Variants in MYO3A observed in about 807,000 individuals in gnomAD.
MYO3A encodes myosin IIIA, also known as myosin-IIIa.
A neutral mutation model predicts 192.7 loss-of-function variants in MYO3A; 180 were observed. The ratio of observed to expected loss-of-function variants is 0.93; its 90% confidence interval spans 0.83 to 1.06. The LOEUF (loss-of-function observed/expected upper bound fraction) is 1.06. MYO3A is among the 50% of genes least tolerant of loss of function. MYO3A has a pLI of 0.00. For synonymous variants in MYO3A, 628 were observed against 645.3 expected, an observed-to-expected ratio of 0.97 and a Z score of 0.41; for missense variants, 1,896 against 1,905.0, an observed-to-expected ratio of 1.00 and a Z score of 0.09.
intron 12 of MYO3A, 136 bp downstream of exon 12, chr10:26,069,020 A>C (rs374291262): frequency 5.7e-5 from 36 of 628,712 alleles, no homozygotes; most frequent in East Asian, 3.5e-4. Context: ...GTTAAAACAT[A>C]GAACTAGGAA....
intron 9 of MYO3A, among the ~76,000 whole-genome samples, chr10:26,024,364 GTCATT>G (rs1389231934): frequency 6.6e-6 from 1 of 152,068 alleles, no homozygotes; most frequent in Non-Finnish European, 1.5e-5. Flanking sequence ...GCCTATGGGT[GTCATT>G]TCATATGAGA....
At chr10:26,205,012 A>G (rs1027592997) in intron 34 of MYO3A, among the ~76,000 whole-genome samples, 2 of 152,236 alleles carry the variant, frequency 1.3e-5, no homozygotes, top group Non-Finnish European at 2.9e-5. Context: ...AGAAGATGTT[A>G]GTGCACAAAG....
At chr10:26,072,923 T>C (rs1242236372) in intron 14 of MYO3A, among the ~76,000 whole-genome samples, 3 of 152,190 alleles carry the variant, frequency 2.0e-5, no homozygotes, top group Admixed American at 6.5e-5. Context: ...TATAGAGACT[T>C]TATTTACAAA....
intron 1 of MYO3A, among the ~76,000 whole-genome samples, chr10:25,934,726 C>G (rs1264749290): frequency 7.0e-6 from 1 of 143,032 alleles, no homozygotes; most frequent in Non-Finnish European, 1.5e-5. Context: ...GAGGGAAGAT[C>G]TTGTGGGTGA....
chr10:26,123,193 A>G (rs1838980610), intron 18 of MYO3A, among the ~76,000 whole-genome samples: 1 of 152,238 alleles, frequency 6.6e-6, no homozygotes, highest in African/African-American at 2.4e-5. Flanking sequence ...CAAAAGCACA[A>G]ATTATTTTCT....
At chr10:26,100,386 T>G (rs899973588) in intron 17 of MYO3A, among the ~76,000 whole-genome samples, 2 of 152,328 alleles carry the variant, frequency 1.3e-5, no homozygotes, top group Non-Finnish European at 2.9e-5. Flanking sequence ...TTGAAGAGCT[T>G]TTTGTGTCTC....
At chr10:26,131,862 C>T (rs530745492) in intron 20 of MYO3A, among the ~76,000 whole-genome samples, 1 of 152,262 alleles carries the variant, frequency 6.6e-6, no homozygotes, top group South Asian at 2.1e-4. Flanking sequence ...AGAAGATGAT[C>T]AGCCAAGAAG....
chr10:26,053,608 G>A (rs898761589), intron 10 of MYO3A, among the ~76,000 whole-genome samples: 7 of 152,250 alleles, frequency 4.6e-5, no homozygotes, highest in African/African-American at 9.6e-5. Context: ...GGCGGATCGC[G>A]AGGTCAGGAG....
chr10:26,174,199 A>G lies in MYO3A; in HGVS notation c.3935A>G (p.Gln1312Arg), dbSNP rs1286879791. The stretch of plus-strand genomic sequence containing the variant: ...GAAAAGAAGACATCTGTAGTTACCC[A>G]GCGTGCACCGATATGCAGCCAGGAG... ...EKEKKTSVVT[Q>R]RAPICSQEEG... Residue 1312 changes from glutamine (Q) to arginine (R), a missense_variant, in exon 30 of 35, where the codon CAG (glutamine) becomes CGG (arginine). Gln to Arg is a conservative substitution (Grantham distance 43, BLOSUM62 1). Coordinates refer to ENST00000642920, the MANE Select transcript of MYO3A (RefSeq NM_017433.5). The G allele has an allele frequency of 1.9e-6, 3 of 1,614,236 alleles. No homozygotes were observed. Among genetic ancestry groups the G allele is most frequent in the East Asian group, 2.2e-5 (1 of 44,882 alleles).
rs1564442289 is a variant in MYO3A, at chr10:25,996,538, A to G, written c.352A>G (p.Arg118Gly). 1.9e-6 allele frequency: 3 copies of G among 1,613,796 alleles called. No homozygotes were observed. In the African/African-American group the frequency reaches 4.0e-5, roughly 22 times the overall value. Residue 118 changes from arginine to glycine, a missense_variant, in exon 5 of 35, where the codon AGG becomes GGG. Arg to Gly is a moderately radical substitution (Grantham distance 125). Coordinates refer to ENST00000642920, the MANE Select transcript of MYO3A (RefSeq NM_017433.5). ...VTDLVKGFLK[R>G]GERMSEPLIA... is the part of the protein sequence containing the mutation. ...TGACCTTGTGAAAGGATTTCTGAAG[A>G]GGGGTGAAAGAATGAGTGAGCCTCT...
At chr10:26,068,739 GA>G (rs1480898393) in intron 11 of MYO3A, 28 bp from the exon 12 acceptor site, 2 of 1,392,190 alleles carry the variant, frequency 1.4e-6, no homozygotes, top group Non-Finnish European at 2.0e-6. Flanking sequence ...TAATTTTTAA[GA>G]AGGAGAAATT....
intron 4 of MYO3A, among the ~76,000 whole-genome samples, chr10:25,967,122 A>G (rs1007306287): frequency 2.0e-5 from 3 of 152,174 alleles, no homozygotes; most frequent in African/African-American, 7.2e-5. Context: ...TATGCAGAAA[A>G]AAGCTCTGAA....
chr10:26,027,162 T>C lies in MYO3A; in HGVS notation c.953+630T>C, dbSNP rs139765401. On this transcript the variant is annotated intron_variant, in intron 10 of 34. Coordinates refer to ENST00000642920, the MANE Select transcript of MYO3A (RefSeq NM_017433.5). ...ACCTTTTGACACTATTATTTGTTCA[T>C]TTTCCCTGGTTAAATTATATTTAAA... Among the ~76,000 whole-genome samples, 162 of 152,308 alleles carry C rather than the reference T, an allele frequency of 1.1e-3. No homozygotes were observed. The Middle Eastern group carries it at 0.027, about 26-fold the overall frequency.
chr10:26,197,906 T>A (rs1452962642), intron 32 of MYO3A, among the ~76,000 whole-genome samples: 1 of 152,198 alleles, frequency 6.6e-6, no homozygotes, highest in Non-Finnish European at 1.5e-5. Context: ...TCTACTTGTC[T>A]CCTGTGTGAC....
At chr10:26,207,764 C>T (rs1372072383) in intron 34 of MYO3A, among the ~76,000 whole-genome samples, 1 of 76,400 alleles carries the variant, frequency 1.3e-5, no homozygotes, top group Non-Finnish European at 2.8e-5. Context: ...AAAGGGTCTT[C>T]TGTGGTTCTA....
chr10:26,201,562 T>G (rs921059380), intron 33 of MYO3A, among the ~76,000 whole-genome samples: 5 of 151,706 alleles, frequency 3.3e-5, no homozygotes, highest in African/African-American at 1.2e-4. Context: ...GGCAGGCGCC[T>G]GTAGTCCCAG....
At chr10:26,160,768 G>A (rs1175398785) in intron 26 of MYO3A, among the ~76,000 whole-genome samples, 1 of 152,164 alleles carries the variant, frequency 6.6e-6, no homozygotes, top group Non-Finnish European at 1.5e-5. Flanking sequence ...AAGCTAGCGG[G>A]ACTTAGATTG....
chr10:26,143,330 C>CA (rs1840275037), intron 20 of MYO3A, 118 bp from the exon 21 acceptor site: 5 of 1,095,848 alleles, frequency 4.6e-6, no homozygotes, highest in South Asian at 4.2e-5. Flanking sequence ...GTCTCCGTCA[C>CA]AAAAAAAGCA....
chr10:26,176,688 A>G lies in MYO3A; in HGVS notation c.4294-13A>G. 6.2e-7 allele frequency: 1 copy of G among 1,605,178 alleles called. No homozygotes were observed. Among genetic ancestry groups the G allele is most frequent in the Non-Finnish European group, 8.5e-7 (1 of 1,172,224 alleles). On this transcript the variant is annotated splice_polypyrimidine_tract_variant and intron_variant, in intron 30 of 34. Coordinates refer to ENST00000642920, the MANE Select transcript of MYO3A (RefSeq NM_017433.5). ...TTTCCTTGATTTAACCTGACACATG[A>G]CCTTCTTTTTAGATATCAAAGTTAT...
Sources: gnomAD v4.1 joint callset for allele counts (sites outside exome capture counted in the v4.1 genomes callset) on GRCh38, gnomAD v4.1.1 for gene constraint, MANE v1.5 for transcripts, NCBI Gene and HGNC (gene_info 2026-07-23, HGNC 2026-07-21) for gene names.